Variants in ABCC11 observed in about 807,000 individuals in gnomAD.
The protein encoded by ABCC11 is ATP-binding cassette sub-family C member 11.
In ABCC11, 135 loss-of-function variants were observed where a neutral mutation model predicts 149.3. The observed-to-expected ratio is 0.90, with a 90% CI of 0.79 to 1.04. The LOEUF (loss-of-function observed/expected upper bound fraction) is 1.04. Ranked by LOEUF, ABCC11 falls within the 50% of genes least tolerant of loss-of-function variation. ABCC11 has a pLI of 0.00. For missense variants in ABCC11, 1,680 were observed against 1,722.1 expected (o/e 0.98, Z 0.43); for synonymous variants, 665 against 671.4 (o/e 0.99, Z 0.15).
chr16:48,205,468 C>T lies in ABCC11; in HGVS notation c.1750G>A (p.Val584Ile), dbSNP rs748625776. The T allele has an allele frequency of 8.7e-5, 141 of 1,614,068 alleles. No individual in the cohort carries two copies. Among genetic ancestry groups the T allele is most frequent in the Admixed American group, 2.0e-4 (12 of 60,006 alleles). The change falls in exon 13 of 30, where the codon GTC becomes ATC. Residue 584 changes from valine to isoleucine, a missense_variant. Val to Ile is a conservative substitution (Grantham distance 29, BLOSUM62 3). Transcript: ENST00000356608. Reference protein sequence around the residue: ...LAYVPQQAWIVSGNIRENILM... With the variant: ...LAYVPQQAWIISGNIRENILM... Reference sequence around the variant, plus strand: ...ATGTTCTCCCTGATGTTCCCGCTGACGATCCAGGCCTGCTGGGGGACATAG... The same window carrying T: ...ATGTTCTCCCTGATGTTCCCGCTGATGATCCAGGCCTGCTGGGGGACATAG...
At chr16:48,184,037 G>A (rs1966606312) in intron 23 of ABCC11, among the ~76,000 whole-genome samples, 1 of 152,208 alleles carries the variant, frequency 6.6e-6, no homozygotes, top group Non-Finnish European at 1.5e-5. Context: ...GATAGGAACG[G>A]TTAGGTACAA....
chr16:48,179,702 T>G (rs1966308583), intron 23 of ABCC11, among the ~76,000 whole-genome samples: 3 of 151,910 alleles, frequency 2.0e-5, no homozygotes, highest in African/African-American at 7.3e-5. Flanking sequence ...AGCCCTGGAG[T>G]GCCACTGGGA....
chr16:48,208,374 A>G, intron 12 of ABCC11, 51 bp downstream of exon 12: 1 of 1,608,146 alleles, frequency 6.2e-7, no homozygotes, highest in South Asian at 1.1e-5. Flanking sequence ...GGAGCTTGGG[A>G]GGGCCTGGAC....
At chr16:48,246,154 A>C (rs1234486979) in intron 1 of ABCC11, among the ~76,000 whole-genome samples, 1 of 152,162 alleles carries the variant, frequency 6.6e-6, no homozygotes, top group Non-Finnish European at 1.5e-5. Context: ...AACAAAGACC[A>C]ACAAACCTTC....
intron 26 of ABCC11, 142 bp from the exon 27 acceptor site, chr16:48,171,109 T>C (rs1965689293): frequency 1.3e-6 from 1 of 777,072 alleles, no homozygotes. Context: ...CAAATGGAGA[T>C]TTTTTGTGCC....
At chr16:48,240,551 C>T (rs1460252235) in intron 1 of ABCC11, among the ~76,000 whole-genome samples, 1 of 151,996 alleles carries the variant, frequency 6.6e-6, no homozygotes, top group Admixed American at 6.5e-5. Context: ...GACAGAGCAT[C>T]AGGAAGAAAA....
intron 5 of ABCC11, among the ~76,000 whole-genome samples, chr16:48,223,292 C>T (rs1969867542): frequency 6.6e-6 from 1 of 152,148 alleles, no homozygotes; most frequent in Non-Finnish European, 1.5e-5. Context: ...TGGTCACCAG[C>T]CTCCAAGGAC....
chr16:48,184,466 CTT>C lies in ABCC11; in HGVS notation c.3230_3231del (p.Lys1077SerfsTer125). The part of the protein sequence containing the change: ...FGISSTPYSF[K>X]VMAVNIVLQL... ...TGCAGCACGATGTTGACAGCCATGA[CTT>C]TAAAGGAGTAGGGGGTGGAGGAAAT... On this transcript the variant is annotated frameshift_variant, in exon 23 of 30. Coordinates refer to ENST00000356608, the MANE Select transcript of ABCC11 (RefSeq NM_001370497.1). LOFTEE classifies it high-confidence loss of function. The C allele has an allele frequency of 1.2e-6, 2 of 1,614,144 alleles. No individual in the cohort carries two copies. Among genetic ancestry groups the C allele is most frequent in the Non-Finnish European group, 1.7e-6 (2 of 1,180,008 alleles).
intron 1 of ABCC11, among the ~76,000 whole-genome samples, chr16:48,247,075 A>G (rs192855817): frequency 9.2e-5 from 14 of 152,418 alleles, no homozygotes; most frequent in Non-Finnish European, 2.1e-4. Flanking sequence ...GTCCGGCATT[A>G]TAAGAACTCA....
chr16:48,205,627 G>C (rs2150839303), intron 12 of ABCC11, 90 bp from the exon 13 acceptor site: 1 of 1,524,324 alleles, frequency 6.6e-7, no homozygotes, highest in Non-Finnish European at 8.8e-7. Context: ...GGGCCCCACT[G>C]CCCTCCAGGA....
intron 25 of ABCC11, 147 bp from the exon 26 acceptor site, chr16:48,175,564 G>C (rs922202295): frequency 1.0e-6 from 1 of 960,228 alleles, no homozygotes; most frequent in Admixed American, 2.9e-5. Context: ...GAGAGGGCTG[G>C]CGTCCCTGCT....
In ABCC11 at chr16:48,198,258, G is replaced by T; in HGVS notation, c.2100C>A (p.Gly700=). ...TCCCATTTTCCAACAAAATGATCTGGCCACAAAATTCTAAGTACTGGACAG... is the reference window on the plus strand; with the variant it reads ...TCCCATTTTCCAACAAAATGATCTGTCCACAAAATTCTAAGTACTGGACAG... The part of the protein sequence containing the change: ...THQLQYLEFC[G]QIILLENGKI... The change falls in exon 16 of 30, where the codon GGC becomes GGA. Residue 700 remains glycine, a synonymous_variant. Coordinates refer to ENST00000356608, the MANE Select transcript of ABCC11 (RefSeq NM_001370497.1). The T allele has an allele frequency of 6.2e-7, 1 of 1,614,120 alleles. No homozygotes were observed. Among genetic ancestry groups the T allele is most frequent in the Non-Finnish European group, 8.5e-7 (1 of 1,180,030 alleles).
intron 6 of ABCC11, among the ~76,000 whole-genome samples, chr16:48,216,626 A>G (rs550106770): frequency 2.0e-5 from 3 of 152,352 alleles, no homozygotes; most frequent in Admixed American, 6.5e-5. Context: ...TACTACTACT[A>G]TTACTACTGC....
At chr16:48,208,239 G>A (rs1156836305) in intron 12 of ABCC11, among the ~76,000 whole-genome samples, 186 bp downstream of exon 12, 1 of 152,196 alleles carries the variant, frequency 6.6e-6, no homozygotes, top group African/African-American at 2.4e-5. Flanking sequence ...AAGGTGAAGA[G>A]AGAGGGCCAC....
At chr16:48,172,873 G>A (rs1279303861) in intron 26 of ABCC11, among the ~76,000 whole-genome samples, 1 of 152,190 alleles carries the variant, frequency 6.6e-6, no homozygotes, top group Non-Finnish European at 1.5e-5. Flanking sequence ...CACCCAGCAA[G>A]CTTTACACTT....
At chr16:48,214,645 T>A (rs1399226171) in intron 9 of ABCC11, among the ~76,000 whole-genome samples, 1 of 151,890 alleles carries the variant, frequency 6.6e-6, no homozygotes, top group Non-Finnish European at 1.5e-5. Context: ...AAGTACCACC[T>A]CCCCCACACC....
intron 1 of ABCC11, among the ~76,000 whole-genome samples, chr16:48,233,059 G>C (rs1436246584): frequency 3.3e-5 from 5 of 152,092 alleles, no homozygotes; most frequent in Admixed American, 3.3e-4. Context: ...AAATTAGCTA[G>C]ACGTAGTGGT....
chr16:48,244,351 GCT>G (rs1220551306), intron 1 of ABCC11: 2 of 1,448,330 alleles, frequency 1.4e-6, no homozygotes, highest in Admixed American at 4.3e-5. Context: ...TGTCTGTCTG[GCT>G]CTTTTTGACA....
At chr16:48,208,279 G>A in intron 12 of ABCC11, 146 bp downstream of exon 12, 1 of 852,998 alleles carries the variant, frequency 1.2e-6, no homozygotes, top group South Asian at 1.7e-5. Context: ...CACAGTGCAA[G>A]CACAACCATT....
Sources: gnomAD v4.1 joint callset for allele counts (sites outside exome capture counted in the v4.1 genomes callset) on GRCh38, gnomAD v4.1.1 for gene constraint, MANE v1.5 for transcripts, NCBI Gene and HGNC (gene_info 2026-07-23, HGNC 2026-07-21) for gene names.